The following LTBP1 variants were observed in gnomAD, a reference collection of about 807,000 sequenced individuals.
LTBP1 encodes latent-transforming growth factor beta-binding protein 1.
LTBP1 carries 129 observed loss-of-function variants against 207.6 expected under a neutral mutation model. That is an observed-to-expected ratio of 0.62 (90% CI 0.54 to 0.72). The LOEUF is 0.72. LTBP1 is among the 30% of genes least tolerant of loss of function. The probability of loss-of-function intolerance (pLI) is 0.00; values close to 1 mark genes in which losing one functional copy is unlikely to be tolerated. For missense variants in LTBP1, 2,281 were observed against 2,217.2 expected, an observed-to-expected ratio of 1.03 and a Z score of -0.58; for synonymous variants, 963 against 833.7, an observed-to-expected ratio of 1.16 and a Z score of -2.67.
At chr2:32,953,333 G>C (rs1280170061) in intron 2 of LTBP1, among the ~76,000 whole-genome samples, 3 of 152,180 alleles carry the variant, frequency 2.0e-5, no homozygotes, top group Non-Finnish European at 4.4e-5. Flanking sequence ...AAACTTGGGA[G>C]TCGAGCCCAG....
intron 2 of LTBP1, among the ~76,000 whole-genome samples, chr2:32,959,547 A>ATG (rs1208584717): frequency 1.3e-3 from 136 of 103,506 alleles, no homozygotes; most frequent in African/African-American, 3.2e-3. Flanking sequence ...TGCTGTATAT[A>ATG]TATGTGTGTG....
At chr2:33,283,058 T>C (rs1203741156) in intron 19 of LTBP1, among the ~76,000 whole-genome samples, 1 of 102,840 alleles carries the variant, frequency 9.7e-6, no homozygotes, top group East Asian at 3.2e-4. Flanking sequence ...CAAGACTCCA[T>C]CTCAAAAAAA....
At chr2:33,277,959 A>G (rs1307334747) in intron 18 of LTBP1, among the ~76,000 whole-genome samples, 2 of 150,282 alleles carry the variant, frequency 1.3e-5, no homozygotes, top group East Asian at 3.9e-4. Flanking sequence ...CCTCCTGAGT[A>G]GCTGGGACTA....
chr2:33,042,520 G>T (rs1439511302), intron 3 of LTBP1, among the ~76,000 whole-genome samples: 1 of 152,196 alleles, frequency 6.6e-6, no homozygotes, highest in Non-Finnish European at 1.5e-5. Flanking sequence ...TCTTTTGGTT[G>T]CCAGTGGAAG....
At chr2:33,304,642 C>T (rs2094055478) in intron 22 of LTBP1, among the ~76,000 whole-genome samples, 1 of 152,186 alleles carries the variant, frequency 6.6e-6, no homozygotes, top group Non-Finnish European at 1.5e-5. Context: ...TTCAAAGGCT[C>T]TGCCTGTGAC....
At chr2:33,309,331 T>C in intron 22 of LTBP1, 103 bp from the exon 23 acceptor site, 1 of 743,322 alleles carries the variant, frequency 1.3e-6, no homozygotes, top group Non-Finnish European at 2.1e-6. Flanking sequence ...AAATTATGTA[T>C]TATAAATGAT....
intron 26 of LTBP1, among the ~76,000 whole-genome samples, chr2:33,355,267 T>C (rs929882832): frequency 2.0e-5 from 3 of 152,054 alleles, no homozygotes; most frequent in African/African-American, 7.2e-5. Flanking sequence ...CTCGTTTTTC[T>C]TTCTCTGCAG....
chr2:33,235,655 A>G (rs914815232), intron 9 of LTBP1, among the ~76,000 whole-genome samples: 4 of 152,226 alleles, frequency 2.6e-5, no homozygotes, highest in African/African-American at 7.2e-5. Flanking sequence ...AACCAACCCA[A>G]ATGCCCATCA....
At chr2:33,316,089 T>C (rs1407922715) in intron 24 of LTBP1, among the ~76,000 whole-genome samples, 1 of 152,166 alleles carries the variant, frequency 6.6e-6, no homozygotes, top group East Asian at 1.9e-4. Context: ...AGTTGTAAGA[T>C]GTTAAGATAA....
At chr2:33,179,111 C>A (rs902710177) in intron 5 of LTBP1, among the ~76,000 whole-genome samples, 7 of 152,172 alleles carry the variant, frequency 4.6e-5, no homozygotes, top group African/African-American at 1.7e-4. Context: ...CCAACCCCAG[C>A]CCATGGGGTG....
chr2:33,108,963 T>A (rs1339186150), intron 3 of LTBP1, among the ~76,000 whole-genome samples: 1 of 152,198 alleles, frequency 6.6e-6, no homozygotes, highest in Non-Finnish European at 1.5e-5. Context: ...TAGTCATTAG[T>A]CTGGTGACAA....
chr2:33,121,159 C>CTTTTTTTTTTTTTGTTTTTTT, intron 4 of LTBP1, among the ~76,000 whole-genome samples: 1 of 87,536 alleles, frequency 1.1e-5, no homozygotes, highest in African/African-American at 4.9e-5. Context: ...TTTGTAAAGT[C>CTTTTTTTTTTTTTGTTTTTTT]TTTTTTTTTT....
Position 33,123,525 on chromosome 2 carries a change from A to G in LTBP1, c.1034-11268A>G, listed in dbSNP as rs77261253. Among the ~76,000 whole-genome samples the G allele has an allele frequency of 7.9e-5, 12 of 152,302 alleles. No individual in the cohort carries two copies. The East Asian group carries it at 2.1e-3, about 27-fold the overall frequency. On this transcript the variant is annotated intron_variant, in intron 4 of 33. Coordinates refer to ENST00000404816, the MANE Select transcript of LTBP1 (RefSeq NM_206943.4). ...TGCCTCTCTTTGAAAGGGTTTTTCA[A>G]AGACTATTAATGGAGAAAGTGATTC... is the stretch of plus-strand genomic sequence containing the variant.
intron 10 of LTBP1, among the ~76,000 whole-genome samples, chr2:33,252,452 C>G (rs1231696880): frequency 1.3e-5 from 2 of 152,116 alleles, no homozygotes; most frequent in African/African-American, 4.8e-5. Context: ...AAGAAGAGAC[C>G]AGAGAGGGAC....
intron 31 of LTBP1, among the ~76,000 whole-genome samples, chr2:33,366,370 G>A (rs1044092902): frequency 2.0e-5 from 3 of 152,194 alleles, no homozygotes; most frequent in Non-Finnish European, 2.9e-5. Flanking sequence ...TGCTTGAAAA[G>A]AGGAAATGCA....
At chr2:33,082,476 T>C (rs219097) in intron 3 of LTBP1, among the ~76,000 whole-genome samples, 53,923 of 134,492 alleles carry the variant, frequency 0.4, 12,408 homozygotes, top group East Asian at 0.66. Flanking sequence ...TGAGAAGGAG[T>C]CTCGCTCTGT....
chr2:33,360,355 C>CTTT (rs1328088097), intron 26 of LTBP1, among the ~76,000 whole-genome samples: 1 of 152,030 alleles, frequency 6.6e-6, no homozygotes, highest in East Asian at 1.9e-4. Context: ...AATTGGTTCA[C>CTTT]GTAAAAGGAA....
chr2:33,282,789 G>A (rs1419505462), intron 19 of LTBP1, among the ~76,000 whole-genome samples: 2 of 152,138 alleles, frequency 1.3e-5, no homozygotes, highest in Non-Finnish European at 2.9e-5. Flanking sequence ...AATAGGCCAG[G>A]CACGGTGGCT....
chr2:33,376,786 G>A (rs2095145221), intron 31 of LTBP1, among the ~76,000 whole-genome samples: 1 of 152,174 alleles, frequency 6.6e-6, no homozygotes, highest in South Asian at 2.1e-4. Context: ...GCTGCCAGCA[G>A]GATGGGGCTT....
Sources: allele counts gnomAD v4.1 joint callset (sites outside exome capture counted in the v4.1 genomes callset), GRCh38; gene constraint gnomAD v4.1.1; transcripts MANE v1.5; gene names NCBI Gene and HGNC (gene_info 2026-07-23, HGNC 2026-07-21).